RFX6: variants seen among roughly 807,000 people sequenced by gnomAD.
RFX6 encodes the protein DNA-binding protein RFX6.
RFX6 carries 50 observed loss-of-function variants against 110.8 expected under a neutral mutation model. That is an observed-to-expected ratio of 0.45 (90% CI 0.36 to 0.57). The LOEUF (loss-of-function observed/expected upper bound fraction) is 0.57. RFX6 is among the 20% of genes least tolerant of loss of function. The probability of loss-of-function intolerance (pLI) is 0.00; values close to 1 mark genes in which losing one functional copy is unlikely to be tolerated. For synonymous variants in RFX6, 383 were observed against 411.2 expected, an observed-to-expected ratio of 0.93 and a Z score of 0.83; for missense variants, 990 against 1,127.0, an observed-to-expected ratio of 0.88 and a Z score of 1.74.
chr6:116,926,743 C>T (rs548268270), intron 16 of RFX6, among the ~76,000 whole-genome samples: 6 of 152,306 alleles, frequency 3.9e-5, no homozygotes, highest in African/African-American at 1.2e-4. Context: ...GCAGCAGACA[C>T]ACATGTCCTC....
At chr6:116,929,762 G>A (rs781310917) in intron 18 of RFX6, among the ~76,000 whole-genome samples, 1 of 152,172 alleles carries the variant, frequency 6.6e-6, no homozygotes, top group South Asian at 2.1e-4. Flanking sequence ...TATATGAGAT[G>A]GTTAAAGTCT....
chr6:116,918,208 T>C, intron 10 of RFX6, 122 bp downstream of exon 10: 1 of 780,988 alleles, frequency 1.3e-6, no homozygotes, highest in Non-Finnish European at 2.2e-6. Flanking sequence ...TCTACTTTTG[T>C]CCCTTTGTAT....
intron 7 of RFX6, among the ~76,000 whole-genome samples, chr6:116,915,551 C>T (rs552332989): frequency 1.3e-5 from 2 of 152,192 alleles, no homozygotes; most frequent in African/African-American, 4.8e-5. Context: ...AACCATTATG[C>T]CATACTGCTC....
intron 4 of RFX6, among the ~76,000 whole-genome samples, chr6:116,892,079 C>T (rs961922303): frequency 7.9e-5 from 12 of 152,154 alleles, no homozygotes; most frequent in Admixed American, 6.5e-5. Context: ...CTTCATTTAC[C>T]TTGACCACCA....
At chr6:116,882,910 A>T (rs1004738194) in intron 4 of RFX6, among the ~76,000 whole-genome samples, 3 of 152,112 alleles carry the variant, frequency 2.0e-5, no homozygotes, top group Non-Finnish European at 2.9e-5. Context: ...TCTTAAGGTA[A>T]ATATAAACAT....
intron 14 of RFX6, chr6:116,923,439 A>G (rs937314809): frequency 1.8e-6 from 1 of 556,658 alleles, no homozygotes; most frequent in African/African-American, 1.9e-5. Flanking sequence ...GCTATGGGCC[A>G]ATCTGCTCAT....
At chr6:116,911,962 TG>T (rs1344134824) in intron 7 of RFX6, among the ~76,000 whole-genome samples, 1 of 152,196 alleles carries the variant, frequency 6.6e-6, no homozygotes, top group Non-Finnish European at 1.5e-5. Context: ...CTCATTTTGA[TG>T]ACAGCCATAC....
At chr6:116,880,416 G>T in intron 2 of RFX6, 128 bp from the exon 3 acceptor site, 1 of 775,944 alleles carries the variant, frequency 1.3e-6, no homozygotes. Context: ...CAGAATAAAC[G>T]AAGTCTACTT....
chr6:116,928,658 T>C, intron 17 of RFX6, 101 bp from the exon 18 acceptor site: 1 of 791,240 alleles, frequency 1.3e-6, no homozygotes, highest in South Asian at 1.4e-5. Flanking sequence ...ACTTACAGTT[T>C]GATATCTTTA....
In RFX6 at chr6:116,913,463, C is replaced by G. The variant is rs139044169; in HGVS notation, c.780+2421C>G. Among the ~76,000 whole-genome samples the G allele has an allele frequency of 2.7e-3, 405 of 152,314 alleles. 2 individuals carry two copies. Among genetic ancestry groups the G allele is most frequent in the African/African-American group, 9.2e-3 (381 of 41,566 alleles). On this transcript the variant is annotated intron_variant, in intron 7 of 18. Transcript: ENST00000332958. ...TGGGGGCCTGCTACTCATAGTGTCT[C>G]TCGAGGCAGTTGTCTCCCCCACCAC...
chr6:116,878,608 A>G (rs1774519423), intron 2 of RFX6, among the ~76,000 whole-genome samples: 1 of 152,010 alleles, frequency 6.6e-6, no homozygotes, highest in African/African-American at 2.4e-5. Flanking sequence ...TGTAATATCT[A>G]TCTAAAAGAA....
At chr6:116,921,655 A>ATTT (rs200362577) in intron 12 of RFX6, among the ~76,000 whole-genome samples, 1 of 145,464 alleles carries the variant, frequency 6.9e-6, no homozygotes, top group Non-Finnish European at 1.5e-5. Context: ...TTGCTCTATA[A>ATTT]TTTTTTTTTT....
At chr6:116,923,498 G>A (rs1477252017) in intron 14 of RFX6, 1 of 439,486 alleles carries the variant, frequency 2.3e-6, no homozygotes, top group Non-Finnish European at 4.2e-6. Context: ...AGGTACTTTG[G>A]TGAGATGATG....
chr6:116,924,554 T>C, intron 14 of RFX6, 115 bp from the exon 15 acceptor site: 1 of 949,144 alleles, frequency 1.1e-6, no homozygotes, highest in South Asian at 1.3e-5. Flanking sequence ...TTGCTCCTTG[T>C]AAAGTGTTGC....
At chr6:116,914,948 G>C (rs1218719012) in intron 7 of RFX6, among the ~76,000 whole-genome samples, 1 of 152,154 alleles carries the variant, frequency 6.6e-6, no homozygotes, top group African/African-American at 2.4e-5. Flanking sequence ...ATCAAGTAGT[G>C]TGCCTAATGT....
At position 116,920,388 on chromosome 6, in the gene RFX6, A is replaced by C; in HGVS notation, c.1261A>C (p.Ile421Leu). 6.2e-7 allele frequency: 1 copy of C among 1,612,552 alleles called. No homozygotes were observed. Among genetic ancestry groups the C allele is most frequent in the Non-Finnish European group, 8.5e-7 (1 of 1,178,556 alleles). Residue 421 changes from isoleucine to leucine, a missense_variant, in exon 12 of 19, where the codon ATT becomes CTT. Transcript: ENST00000332958. Reference sequence around the variant, plus strand: ...TATTGAAAGGGTTGATTTGAACAGCATTGGCTCTCAAGCCCTTCTTACCAT... The same window carrying C: ...TATTGAAAGGGTTGATTTGAACAGCCTTGGCTCTCAAGCCCTTCTTACCAT... ...SDIERVDLNS[I>L]GSQALLTISG...
chr6:116,922,074 G>C lies in RFX6; in HGVS notation c.1360G>C (p.Asp454His). The C allele has an allele frequency of 1.3e-6, 2 of 1,542,572 alleles. 1 individual carries two copies. The highest frequency in any genetic ancestry group is 1.8e-6 in the Non-Finnish European group (2 of 1,117,072). The change falls in exon 13 of 19, where the codon GAT (aspartate) becomes CAT (histidine). Residue 454 changes from aspartate to histidine, a missense_variant. By Grantham distance (81) the Asp-to-His change is moderately conservative. Transcript: ENST00000332958. ...TATCACTGTGTTCCAAGAACTGAAG[G>C]ATCTCCTTAAGAAGAATGCCACTGT... ...DSITVFQELK[D>H]LLKKNATVEA...
chr6:116,884,864 T>A (rs1774666117), intron 4 of RFX6: 3 of 152,204 alleles, frequency 2.0e-5, no homozygotes, highest in Admixed American at 2.0e-4. Flanking sequence ...ATTAACAATT[T>A]GAATTTTTTT....
intron 4 of RFX6, among the ~76,000 whole-genome samples, chr6:116,888,437 A>T (rs1451118451): frequency 6.6e-6 from 1 of 152,194 alleles, no homozygotes; most frequent in Non-Finnish European, 1.5e-5. Context: ...ATTTGACATA[A>T]GATTGAGGAA....
Sources: allele counts gnomAD v4.1 joint callset (sites outside exome capture counted in the v4.1 genomes callset), GRCh38; gene constraint gnomAD v4.1.1; transcripts MANE v1.5; gene names NCBI Gene and HGNC (gene_info 2026-07-23, HGNC 2026-07-21).